PLEKHM3: variants seen among roughly 807,000 people sequenced by gnomAD.
The protein encoded by PLEKHM3 is pleckstrin homology domain-containing family M member 3.
A neutral mutation model predicts 81.8 loss-of-function variants in PLEKHM3; 45 were observed. That is an observed-to-expected ratio of 0.55 (90% CI 0.43 to 0.71). PLEKHM3 has a LOEUF of 0.71. Ranked by LOEUF, PLEKHM3 falls within the 30% of genes least tolerant of loss-of-function variation. The pLI, the probability that PLEKHM3 is intolerant of heterozygous loss-of-function variation, is 0.00. For missense variants in PLEKHM3, 788 were observed against 924.3 expected (o/e 0.85, Z 1.91); for synonymous variants, 352 against 356.4 (o/e 0.99, Z 0.14).
At chr2:207,919,415 C>T (rs1387817313) in intron 5 of PLEKHM3, among the ~76,000 whole-genome samples, 2 of 152,100 alleles carry the variant, frequency 1.3e-5, no homozygotes, top group Admixed American at 1.3e-4. Flanking sequence ...CTAATTTATA[C>T]ATTAGCTATA....
At chr2:207,865,801 A>AAAAAAAAAAAAAAAAAAATATCT in intron 6 of PLEKHM3, among the ~76,000 whole-genome samples, 1 of 25,300 alleles carries the variant, frequency 4.0e-5, no homozygotes, top group Admixed American at 3.3e-4. Context: ...AAAAAAAAAA[A>AAAAAAAAAAAAAAAAAAATATCT]AGATATATAT....
At chr2:207,852,446 G>A (rs2092417910) in intron 7 of PLEKHM3, among the ~76,000 whole-genome samples, 2 of 152,010 alleles carry the variant, frequency 1.3e-5, no homozygotes, top group Non-Finnish European at 2.9e-5. Flanking sequence ...TGTCAGAGGT[G>A]GGATCCTAAA....
At chr2:207,898,406 T>C (rs1042826233) in intron 6 of PLEKHM3, among the ~76,000 whole-genome samples, 1 of 152,226 alleles carries the variant, frequency 6.6e-6, no homozygotes, top group African/African-American at 2.4e-5. Context: ...GCCTGGTCTC[T>C]GCAGGAATAC....
intron 4 of PLEKHM3, among the ~76,000 whole-genome samples, chr2:207,932,653 A>G (rs1325259629): frequency 6.6e-6 from 1 of 152,198 alleles, no homozygotes; most frequent in Non-Finnish European, 1.5e-5. Flanking sequence ...TGCAGCATGT[A>G]CCCTGTCATC....
intron 4 of PLEKHM3, among the ~76,000 whole-genome samples, chr2:207,933,770 C>T (rs934130768): frequency 1.3e-5 from 2 of 152,202 alleles, no homozygotes; most frequent in African/African-American, 2.4e-5. Flanking sequence ...AAACAGAGCT[C>T]GTTTCAACCA....
At chr2:207,901,840 T>G (rs1688439085) in intron 6 of PLEKHM3, among the ~76,000 whole-genome samples, 1 of 152,214 alleles carries the variant, frequency 6.6e-6, no homozygotes, top group Non-Finnish European at 1.5e-5. Flanking sequence ...AGAGATTTAG[T>G]GATGTTTTAA....
chr2:207,938,729 A>T (rs1689841665), intron 4 of PLEKHM3, among the ~76,000 whole-genome samples: 1 of 152,222 alleles, frequency 6.6e-6, no homozygotes, highest in Non-Finnish European at 1.5e-5. Flanking sequence ...GTGGTCTGAC[A>T]AAGGAGATTT....
chr2:207,979,989 G>T (rs1249450784), intron 2 of PLEKHM3, among the ~76,000 whole-genome samples: 1 of 152,176 alleles, frequency 6.6e-6, no homozygotes, highest in Non-Finnish European at 1.5e-5. Flanking sequence ...TTCTGATAAT[G>T]CAATAAGGGA....
At chr2:207,859,301 G>A (rs541681762) in intron 7 of PLEKHM3, among the ~76,000 whole-genome samples, 2 of 151,292 alleles carry the variant, frequency 1.3e-5, no homozygotes, top group Admixed American at 6.6e-5. Flanking sequence ...ACTATACCCG[G>A]CTAATTTTGT....
chr2:207,944,910 G>A (rs1173184756), intron 4 of PLEKHM3, among the ~76,000 whole-genome samples: 1 of 152,094 alleles, frequency 6.6e-6, no homozygotes, highest in African/African-American at 2.4e-5. Flanking sequence ...AACCTAACTT[G>A]ACCCCACTTC....
chr2:207,847,918 T>C (rs1328729006), intron 7 of PLEKHM3, among the ~76,000 whole-genome samples: 1 of 152,212 alleles, frequency 6.6e-6, no homozygotes, highest in Non-Finnish European at 1.5e-5. Context: ...GCTGTTGTTC[T>C]CTATTGTTGA....
chr2:207,959,791 C>G (rs1173512269), intron 3 of PLEKHM3, among the ~76,000 whole-genome samples: 3 of 152,164 alleles, frequency 2.0e-5, no homozygotes, highest in African/African-American at 7.2e-5. Context: ...CCGAGTAGTG[C>G]TAGGAACAGT....
chr2:207,973,520 C>T (rs894220038), intron 3 of PLEKHM3, among the ~76,000 whole-genome samples: 8 of 152,146 alleles, frequency 5.3e-5, no homozygotes, highest in Non-Finnish European at 8.8e-5. Context: ...AAGCGGATCA[C>T]CTGAGGTCGG....
At chr2:207,984,943 G>A (rs1691666165) in intron 2 of PLEKHM3, among the ~76,000 whole-genome samples, 1 of 151,312 alleles carries the variant, frequency 6.6e-6, no homozygotes. Flanking sequence ...GGTTCAGTGA[G>A]GTTTTTTGTG....
chr2:207,858,224 A>C (rs1272223942), intron 7 of PLEKHM3, among the ~76,000 whole-genome samples: 1 of 143,438 alleles, frequency 7.0e-6, no homozygotes, highest in Non-Finnish European at 1.5e-5. Flanking sequence ...CCCAGGCTGG[A>C]GTGCAGTGGT....
At chr2:207,970,377 T>C (rs1691076011) in intron 3 of PLEKHM3, among the ~76,000 whole-genome samples, 1 of 151,004 alleles carries the variant, frequency 6.6e-6, no homozygotes, top group South Asian at 2.1e-4. Context: ...AGAGGTTCAT[T>C]GTCAATCAAT....
chr2:207,945,423 C>T (rs1428599019), intron 4 of PLEKHM3, among the ~76,000 whole-genome samples: 1 of 152,228 alleles, frequency 6.6e-6, no homozygotes, highest in African/African-American at 2.4e-5. Context: ...GTGATTCTCA[C>T]TTGCTCTCCT....
chr2:208,018,542 CT>C (rs1693008539), intron 1 of PLEKHM3, among the ~76,000 whole-genome samples: 1 of 152,108 alleles, frequency 6.6e-6, no homozygotes, highest in Non-Finnish European at 1.5e-5. Context: ...AAACATCATT[CT>C]TGATCCTTCT....
intron 6 of PLEKHM3, among the ~76,000 whole-genome samples, chr2:207,874,529 G>A (rs376884595): frequency 1.8e-4 from 28 of 152,016 alleles, no homozygotes; most frequent in African/African-American, 6.5e-4. Flanking sequence ...AGCCGAGATC[G>A]TGCCTTTGCA....
Sources: allele counts gnomAD v4.1 joint callset (sites outside exome capture counted in the v4.1 genomes callset), GRCh38; gene constraint gnomAD v4.1.1; transcripts MANE v1.5; gene names NCBI Gene and HGNC (gene_info 2026-07-23, HGNC 2026-07-21).